Variants in DRC9 observed in about 807,000 individuals in gnomAD.
The protein encoded by DRC9 is dynein regulatory complex protein 9.
At chr3:197,934,804 C>A in the DRC9 span, among the ~76,000 whole-genome samples, 8 of 125,446 alleles carry the variant, frequency 6.4e-5, no homozygotes, top group South Asian at 7.3e-4. Flanking sequence ...CCCCTCCCCC[C>A]ACCCCATCTC....
chr3:197,922,748 C>A, the DRC9 span, among the ~76,000 whole-genome samples: 1 of 127,892 alleles, frequency 7.8e-6, no homozygotes, highest in Non-Finnish European at 1.6e-5. Flanking sequence ...AAATAAATAT[C>A]TTCTATTTTA....
At chr3:197,913,346 G>A in the DRC9 span, 1 of 222,544 alleles carries the variant, frequency 4.5e-6, no homozygotes, top group African/African-American at 2.5e-5. Flanking sequence ...GCGTGCGTGC[G>A]TGTGTGCGTG....
At chr3:197,939,185 A>G in the DRC9 span, among the ~76,000 whole-genome samples, 1 of 152,210 alleles carries the variant, frequency 6.6e-6, no homozygotes, top group Non-Finnish European at 1.5e-5. Context: ...TTATTTTTGG[A>G]ACAAGATTGG....
At chr3:197,958,850 G>T in the DRC9 span, 1 of 152,248 alleles carries the variant, frequency 6.6e-6, no homozygotes, top group Non-Finnish European at 1.5e-5. Context: ...CAAAGGAGGA[G>T]TCCTGTGGTT....
the DRC9 span, chr3:197,945,835 C>T: frequency 1.7e-5 from 9 of 534,886 alleles, no homozygotes; most frequent in Admixed American, 1.1e-4. Context: ...GTCCCAGAGG[C>T]GAAAGAGCCT....
At chr3:197,896,027 G>GA in the DRC9 span, among the ~76,000 whole-genome samples, 1 of 115,390 alleles carries the variant, frequency 8.7e-6, no homozygotes, top group African/African-American at 3.4e-5. Flanking sequence ...TGCATTGTCA[G>GA]AAAAAAAATG....
chr3:197,932,928 TTA>T, the DRC9 span, among the ~76,000 whole-genome samples: 712 of 137,092 alleles, frequency 5.2e-3, 6 homozygotes, highest in Non-Finnish European at 6.4e-3. Context: ...ATATTATGTA[TTA>T]TATATATGTA....
At chr3:197,904,105 TA>T in the DRC9 span, among the ~76,000 whole-genome samples, 7,220 of 42,722 alleles carry the variant, frequency 0.17, 261 homozygotes, top group Non-Finnish European at 0.23. Context: ...TATATATATA[TA>T]TATATTTTTT....
At chr3:197,953,168 AAAGTGT>A in the DRC9 span, among the ~76,000 whole-genome samples, 1 of 152,218 alleles carries the variant, frequency 6.6e-6, no homozygotes, top group African/African-American at 2.4e-5. Flanking sequence ...AATCTCTGGG[AAAGTGT>A]TTTAATCATT....
At chr3:197,939,940 T>C in the DRC9 span, among the ~76,000 whole-genome samples, 1 of 152,062 alleles carries the variant, frequency 6.6e-6, no homozygotes, top group Non-Finnish European at 1.5e-5. Context: ...TAGAAAGAAA[T>C]GTGAATTTTT....
At chr3:197,907,470 G>T in the DRC9 span, among the ~76,000 whole-genome samples, 10 of 152,180 alleles carry the variant, frequency 6.6e-5, no homozygotes, top group South Asian at 1.0e-3. Flanking sequence ...CTATATCAAT[G>T]AATTAAACAA....
At chr3:197,946,616 A>G in the DRC9 span, among the ~76,000 whole-genome samples, 1 of 152,088 alleles carries the variant, frequency 6.6e-6, no homozygotes, top group South Asian at 2.1e-4. Context: ...TGAGTTTCCA[A>G]TGTAAATTTG....
chr3:197,928,156 CT>C, the DRC9 span, among the ~76,000 whole-genome samples: 3 of 152,180 alleles, frequency 2.0e-5, no homozygotes, highest in African/African-American at 7.2e-5. Flanking sequence ...ATCCCACTAT[CT>C]GGAGTTAACT....
At chr3:197,902,944 G>T in the DRC9 span, among the ~76,000 whole-genome samples, 1 of 152,146 alleles carries the variant, frequency 6.6e-6, no homozygotes, top group Non-Finnish European at 1.5e-5. Context: ...TAGAGCTATA[G>T]TAACCAAAAC....
At chr3:197,908,672 C>T in the DRC9 span, among the ~76,000 whole-genome samples, 6 of 142,398 alleles carry the variant, frequency 4.2e-5, no homozygotes, top group Admixed American at 3.6e-4. Flanking sequence ...TTCCAAGGCA[C>T]CCTCCCAGAT....
chr3:197,925,549 C>T, the DRC9 span, among the ~76,000 whole-genome samples: 7 of 151,266 alleles, frequency 4.6e-5, no homozygotes, highest in East Asian at 3.9e-4. Context: ...ACCTGTACGA[C>T]CCAGGCCAGC....
the DRC9 span, among the ~76,000 whole-genome samples, chr3:197,938,348 T>C: frequency 6.6e-6 from 1 of 151,844 alleles, no homozygotes; most frequent in Non-Finnish European, 1.5e-5. Context: ...TAATAACTTA[T>C]GCAATATCAT....
chr3:197,936,207 C>T, the DRC9 span, among the ~76,000 whole-genome samples: 3 of 151,982 alleles, frequency 2.0e-5, no homozygotes, highest in African/African-American at 4.8e-5. Flanking sequence ...GTAATTTTGT[C>T]TTTTGACAGT....
At chr3:197,951,729 GTC>G in the DRC9 span, 2 of 212,136 alleles carry the variant, frequency 9.4e-6, no homozygotes, top group African/African-American at 2.3e-5. Context: ...TGTGACAAGA[GTC>G]TCTGTTGCCC....
Sources: allele counts gnomAD v4.1 joint callset (sites outside exome capture counted in the v4.1 genomes callset), GRCh38; gene constraint gnomAD v4.1.1; transcripts MANE v1.5; gene names NCBI Gene and HGNC (gene_info 2026-07-23, HGNC 2026-07-21).